The following RICTOR variants were observed in gnomAD, a reference collection of about 807,000 sequenced individuals.
RICTOR encodes RPTOR independent companion of MTOR complex 2.
A neutral mutation model predicts 214.9 loss-of-function variants in RICTOR; 49 were observed. The ratio of observed to expected loss-of-function variants is 0.23; its 90% CI spans 0.18 to 0.29. The LOEUF (loss-of-function observed/expected upper bound fraction) is 0.29, where lower values mean the gene tolerates loss of function less well. Among genes scored for constraint, RICTOR ranks in the 10% least tolerant of loss-of-function variants. The pLI is 1.00. For synonymous variants in RICTOR, 717 were observed against 711.3 expected (o/e 1.01, Z -0.13); for missense variants, 1,625 against 2,047.0 (o/e 0.79, Z 3.98).
chr5:39,043,643 T>C (rs765916050), intron 2 of RICTOR, among the ~76,000 whole-genome samples: 1 of 152,152 alleles, frequency 6.6e-6, no homozygotes, highest in Non-Finnish European at 1.5e-5. Context: ...ATGATAAACA[T>C]ATGAGGTGAT....
intron 3 of RICTOR, among the ~76,000 whole-genome samples, chr5:39,014,816 AAAGG>A (rs1448026872): frequency 6.6e-6 from 1 of 152,200 alleles, no homozygotes; most frequent in East Asian, 1.9e-4. Flanking sequence ...TTATACCTTA[AAAGG>A]AAGTTTAGTT....
chr5:38,959,077 T>G, intron 22 of RICTOR, 118 bp downstream of exon 22: 1 of 853,314 alleles, frequency 1.2e-6, no homozygotes, highest in Non-Finnish European at 1.7e-6. Context: ...ACTAAAATTT[T>G]AAAGTAAACT....
At chr5:38,994,418 CT>C (rs1753013642) in intron 6 of RICTOR, among the ~76,000 whole-genome samples, 1 of 14,180 alleles carries the variant, frequency 7.1e-5, no homozygotes, top group Non-Finnish European at 1.3e-4. Flanking sequence ...CAAGGTTTTA[CT>C]AAAAAAAAAA....
At chr5:39,054,071 G>A (rs1002823404) in intron 2 of RICTOR, among the ~76,000 whole-genome samples, 1 of 152,092 alleles carries the variant, frequency 6.6e-6, no homozygotes, top group Non-Finnish European at 1.5e-5. Flanking sequence ...TACGGTGTGA[G>A]ACTCCGTCTC....
At chr5:39,048,042 A>G (rs1757611279) in intron 2 of RICTOR, among the ~76,000 whole-genome samples, 1 of 152,226 alleles carries the variant, frequency 6.6e-6, no homozygotes, top group African/African-American at 2.4e-5. Context: ...AGAATAAAAG[A>G]CTGGTCATTT....
chr5:39,035,691 A>T (rs940015387), intron 2 of RICTOR, among the ~76,000 whole-genome samples: 1 of 152,264 alleles, frequency 6.6e-6, no homozygotes, highest in Non-Finnish European at 1.5e-5. Flanking sequence ...TCAGTAGCCG[A>T]TTCGATCAAC....
intron 7 of RICTOR, among the ~76,000 whole-genome samples, chr5:38,988,349 G>A (rs1053158277): frequency 6.6e-6 from 1 of 152,110 alleles, no homozygotes; most frequent in Non-Finnish European, 1.5e-5. Context: ...AGGTCTCTAA[G>A]AACTTGCTTT....
At chr5:39,048,571 T>C (rs2150182645) in intron 2 of RICTOR, among the ~76,000 whole-genome samples, 1 of 152,316 alleles carries the variant, frequency 6.6e-6, no homozygotes, top group Non-Finnish European at 1.5e-5. Flanking sequence ...AATTCATAAC[T>C]GGAGGGAACT....
At chr5:38,993,076 G>A (rs920157594) in intron 6 of RICTOR, among the ~76,000 whole-genome samples, 2 of 152,200 alleles carry the variant, frequency 1.3e-5, no homozygotes, top group African/African-American at 4.8e-5. Flanking sequence ...GGTGGCAAAA[G>A]ACATGTCAGA....
At chr5:39,021,001 A>G in intron 3 of RICTOR, 38 bp downstream of exon 3, 1 of 1,010,892 alleles carries the variant, frequency 9.9e-7, no homozygotes, top group Non-Finnish European at 1.6e-6. Flanking sequence ...GTAAGGAACA[A>G]AGAATTTTAG....
intron 28 of RICTOR, 49 bp from the exon 29 acceptor site, chr5:38,953,140 A>G (rs1202072850): frequency 2.3e-6 from 3 of 1,280,064 alleles, no homozygotes; most frequent in Non-Finnish European, 2.2e-6. Context: ...CACTCTTTCA[A>G]AAGATTTGGA....
At chr5:38,983,103 A>T (rs1398303223) in intron 7 of RICTOR, among the ~76,000 whole-genome samples, 1 of 152,148 alleles carries the variant, frequency 6.6e-6, no homozygotes, top group Non-Finnish European at 1.5e-5. Flanking sequence ...TTACTTTCCA[A>T]TGAGTCCTCC....
At chr5:39,038,474 A>G (rs1301490036) in intron 2 of RICTOR, among the ~76,000 whole-genome samples, 1 of 152,214 alleles carries the variant, frequency 6.6e-6, no homozygotes, top group Non-Finnish European at 1.5e-5. Context: ...GGCCAGGGCA[A>G]TCAGGCAGGA....
At chr5:39,020,494 G>C (rs1755334666) in intron 3 of RICTOR, among the ~76,000 whole-genome samples, 1 of 152,176 alleles carries the variant, frequency 6.6e-6, no homozygotes, top group Non-Finnish European at 1.5e-5. Flanking sequence ...TGAAGGCTCA[G>C]ATGACTGTAT....
At position 38,945,710 on chromosome 5, in the gene RICTOR, T is replaced by G; in HGVS notation, c.4414A>C (p.Thr1472Pro). ...AHDAGGLPSG[T>P]GGLVKNSFHL... ...AAAGAATTTTTTACAAGACCTCCAG[T>G]TCCAGATGGAAGACCTGTGCATAAG... Residue 1472 changes from threonine (T) to proline (P), a missense_variant, in exon 34 of 38, where the codon ACT becomes CCT. By Grantham distance (38) the Thr-to-Pro change is conservative. Coordinates refer to ENST00000357387, the MANE Select transcript of RICTOR (RefSeq NM_152756.5). 1 of 1,593,490 alleles carries G rather than the reference T, an allele frequency of 6.3e-7. No homozygotes were observed.
chr5:38,983,075 C>T (rs1408849614), intron 7 of RICTOR, among the ~76,000 whole-genome samples: 1 of 152,052 alleles, frequency 6.6e-6, no homozygotes, highest in East Asian at 1.9e-4. Flanking sequence ...TCTCATTATC[C>T]TAGAAAGATC....
At chr5:38,963,069 C>CA (rs1749928315) in intron 16 of RICTOR, 28 bp from the exon 17 acceptor site, 1 of 1,550,600 alleles carries the variant, frequency 6.4e-7, no homozygotes, top group African/African-American at 1.4e-5. Context: ...TCAATCAATA[C>CA]AGTAGCAAGA....
At chr5:39,052,409 T>C (rs935457623) in intron 2 of RICTOR, among the ~76,000 whole-genome samples, 6 of 152,166 alleles carry the variant, frequency 3.9e-5, no homozygotes, top group Non-Finnish European at 7.4e-5. Context: ...TTTTTGGACA[T>C]TGTTTTTGCA....
At chr5:38,998,442 C>A (rs957867543) in intron 5 of RICTOR, among the ~76,000 whole-genome samples, 3 of 152,140 alleles carry the variant, frequency 2.0e-5, no homozygotes, top group African/African-American at 7.2e-5. Flanking sequence ...CCGCCTAGGC[C>A]TCCCAAAATG....
Sources: allele counts gnomAD v4.1 joint callset (sites outside exome capture counted in the v4.1 genomes callset), GRCh38; gene constraint gnomAD v4.1.1; transcripts MANE v1.5; gene names NCBI Gene and HGNC (gene_info 2026-07-23, HGNC 2026-07-21).